CFAP251: variants seen among roughly 807,000 people sequenced by gnomAD.
CFAP251 encodes the protein cilia and flagella associated protein 251.
CFAP251 carries 93 observed loss-of-function variants against 126.7 expected under a neutral mutation model. That is an observed-to-expected ratio of 0.73 (90% CI 0.62 to 0.87). The LOEUF (loss-of-function observed/expected upper bound fraction) is 0.87. CFAP251 is among the 40% of genes least tolerant of loss of function. CFAP251 has a pLI of 0.00. For missense variants in CFAP251, 1,287 were observed against 1,389.2 expected (o/e 0.93, Z 1.17); for synonymous variants, 503 against 506.9 (o/e 0.99, Z 0.10).
chr12:121,968,381 C>A (rs572536826), intron 17 of CFAP251, among the ~76,000 whole-genome samples: 1 of 152,158 alleles, frequency 6.6e-6, no homozygotes, highest in African/African-American at 2.4e-5. Context: ...GCAGTTCAGG[C>A]GATGTGACAG....
intron 3 of CFAP251, among the ~76,000 whole-genome samples, chr12:121,929,467 C>T (rs1325589465): frequency 6.6e-6 from 1 of 152,042 alleles, no homozygotes; most frequent in Non-Finnish European, 1.5e-5. Flanking sequence ...TCCGTTAGCA[C>T]TGATGAGCCA....
Position 121,999,861 on chromosome 12 carries a change from G to A in CFAP251, c.3152G>A (p.Ser1051Asn), listed in dbSNP as rs370687532. Reference protein sequence around the residue: ...FGNTMSGIHKSFEVLGYTNSK... With the variant: ...FGNTMSGIHKNFEVLGYTNSK... Reference sequence around the variant, plus strand: ...AACACCATGAGTGGCATCCACAAGAGCTTTGAGGTGCTCGGTTATACCAAC... The same window carrying A: ...AACACCATGAGTGGCATCCACAAGAACTTTGAGGTGCTCGGTTATACCAAC... The change falls in exon 20 of 22, where the codon AGC becomes AAC. Residue 1051 changes from serine to asparagine, a missense_variant. Ser to Asn is a conservative substitution (Grantham distance 46, BLOSUM62 1). Transcript: ENST00000288912. The A allele has an allele frequency of 9.3e-6, 15 of 1,614,078 alleles. No individual in the cohort carries two copies. The highest frequency in any genetic ancestry group is 1.2e-5 in the Non-Finnish European group (14 of 1,180,042).
chr12:121,968,142 C>T lies in CFAP251; in HGVS notation c.2744C>T (p.Ser915Leu), dbSNP rs754845886. The change falls in exon 17 of 22, where the codon TCG becomes TTG. Residue 915 changes from serine to leucine, a missense_variant. Transcript: ENST00000288912. ...YAFTAGGHDRSVVQWKITLSV... is the reference protein window; with the variant it reads ...YAFTAGGHDRLVVQWKITLSV... ...TTCACTGCGGGAGGGCACGATCGCT[C>T]GGTGGTGCAGTGGAAAATCACCTTA... The T allele has an allele frequency of 9.3e-6, 15 of 1,609,546 alleles. No homozygotes were observed. The highest frequency in any genetic ancestry group is 1.7e-4 in the Middle Eastern group (1 of 6,058).
At chr12:121,978,800 A>G (rs771044305) in intron 19 of CFAP251, among the ~76,000 whole-genome samples, 9 of 152,168 alleles carry the variant, frequency 5.9e-5, no homozygotes, top group Admixed American at 2.6e-4. Flanking sequence ...TGAGTTGTCT[A>G]AAGTAGCTGG....
chr12:121,975,427 T>A, intron 18 of CFAP251, 93 bp downstream of exon 18: 2 of 1,567,198 alleles, frequency 1.3e-6, no homozygotes, highest in Non-Finnish European at 1.7e-6. Context: ...ATTCCAAAGC[T>A]TTGTTCCCCC....
intron 19 of CFAP251, among the ~76,000 whole-genome samples, chr12:121,992,807 C>T (rs1408830723): frequency 2.0e-5 from 3 of 152,098 alleles, no homozygotes; most frequent in Non-Finnish European, 4.4e-5. Flanking sequence ...GCTCCTAAAA[C>T]GATCTACCCA....
chr12:121,938,857 G>A (rs1021781253), intron 5 of CFAP251, among the ~76,000 whole-genome samples: 4 of 151,480 alleles, frequency 2.6e-5, no homozygotes, highest in Non-Finnish European at 5.9e-5. Flanking sequence ...GGGCATAATG[G>A]TGCACTCCTG....
intron 8 of CFAP251, 198 bp downstream of exon 8, chr12:121,949,259 TTTTA>T (rs1409072289): frequency 1.6e-5 from 5 of 305,530 alleles, no homozygotes; most frequent in Non-Finnish European, 1.2e-5. Context: ...AATAATCCAA[TTTTA>T]TTTATTAAAT....
intron 19 of CFAP251, among the ~76,000 whole-genome samples, chr12:121,982,124 A>G (rs1210010899): frequency 6.6e-6 from 1 of 151,944 alleles, no homozygotes. Flanking sequence ...CTAAAAGTTT[A>G]TATTTTCTTG....
Position 121,961,989 on chromosome 12 carries a change from T to C in CFAP251, c.2319T>C (p.Asp773=), listed in dbSNP as rs1331753940. ...LGTDRLLIEY[D]LLRSYKDHLE... is the part of the protein sequence containing the mutation. The stretch of plus-strand genomic sequence containing the variant: ...GGGCTCCTCTGCAGATAGAGTATGA[T>C]CTTCTCAGGAGCTACAAAGACCACC... Residue 773 remains aspartate (D), a synonymous_variant, in exon 15 of 22, where the codon GAT becomes GAC. Transcript: ENST00000288912. 12 of 1,613,430 alleles carry C rather than the reference T, an allele frequency of 7.4e-6. No individual in the cohort carries two copies. The highest frequency in any genetic ancestry group is 1.7e-5 in the Admixed American group (1 of 59,960).
At chr12:121,995,480 A>G (rs1883001647) in intron 19 of CFAP251, among the ~76,000 whole-genome samples, 1 of 152,122 alleles carries the variant, frequency 6.6e-6, no homozygotes, top group African/African-American at 2.4e-5. Context: ...TCTGTAACCA[A>G]TAATGTTATT....
Position 121,936,893 on chromosome 12 carries a change from G to A in CFAP251, c.998+2537G>A, listed in dbSNP as rs571702864. Among the ~76,000 whole-genome samples, 6 of 152,162 alleles carry A rather than the reference G, an allele frequency of 3.9e-5. No individual in the cohort carries two copies. The East Asian group carries it at 1.2e-3, about 29-fold the overall frequency. ...TAATTGGAAGGGGAGAAGGGAAGGG[G>A]CCCAGGGGAATTCAGAGTGACATGA... On this transcript the variant is annotated intron_variant, in intron 5 of 21. Transcript: ENST00000288912.
At chr12:121,919,594 C>T (rs1466319475) in intron 1 of CFAP251, among the ~76,000 whole-genome samples, 1 of 152,056 alleles carries the variant, frequency 6.6e-6, no homozygotes, top group Non-Finnish European at 1.5e-5. Flanking sequence ...AAAATGCAGA[C>T]TCTGAGGGGT....
At chr12:121,934,024 T>C (rs1446769185) in intron 4 of CFAP251, among the ~76,000 whole-genome samples, 1 of 152,134 alleles carries the variant, frequency 6.6e-6, no homozygotes, top group African/African-American at 2.4e-5. Context: ...CCACTGTTCA[T>C]GTAGGGAACT....
intron 17 of CFAP251, chr12:121,972,163 T>C (rs778634566): frequency 3.8e-5 from 6 of 156,440 alleles, no homozygotes. Flanking sequence ...TGAAAAGATA[T>C]CTGAAAATGT....
At chr12:121,930,905 C>T (rs527370749) in intron 3 of CFAP251, among the ~76,000 whole-genome samples, 4 of 152,134 alleles carry the variant, frequency 2.6e-5, no homozygotes, top group Admixed American at 6.5e-5. Context: ...CGTGCCACCA[C>T]GCCTGGCTAA....
At chr12:121,948,879 T>C in intron 7 of CFAP251, 105 bp from the exon 8 acceptor site, 1 of 651,854 alleles carries the variant, frequency 1.5e-6, no homozygotes, top group Non-Finnish European at 2.6e-6. Context: ...CTGTTTTATA[T>C]TCCTACTCAT....
At chr12:121,969,213 C>T in intron 17 of CFAP251, 5 of 985,430 alleles carry the variant, frequency 5.1e-6, no homozygotes, top group Non-Finnish European at 6.0e-6. Flanking sequence ...ATTGAAGCTT[C>T]TACTCTTAAC....
rs376558830 is a variant in CFAP251 at position 121,921,464 on chromosome 12, G to A, written c.159G>A (p.Glu53=). 1.6e-5 allele frequency: 24 copies of A among 1,509,564 alleles called. No homozygotes were observed. The highest frequency in any genetic ancestry group is 1.6e-4 in the African/African-American group (11 of 70,190). The allele number at this position is 1,509,564 out of a possible 1,614,324, so 93.5% of individuals were successfully genotyped here. Residue 53 remains glutamate (E), a synonymous_variant, in exon 2 of 22, where the codon GAG becomes GAA. Coordinates refer to ENST00000288912, the MANE Select transcript of CFAP251 (RefSeq NM_144668.6). ...DTIAWRESQE[E]ERKTGEEEGE... Reference sequence around the variant, plus strand: ...TAGCATGGAGAGAGTCTCAGGAGGAGGAGAGGAAAACGGGCGAGGAGGAAG... The same window carrying A: ...TAGCATGGAGAGAGTCTCAGGAGGAAGAGAGGAAAACGGGCGAGGAGGAAG...
Sources: gnomAD v4.1 joint callset for allele counts (sites outside exome capture counted in the v4.1 genomes callset) on GRCh38, gnomAD v4.1.1 for gene constraint, MANE v1.5 for transcripts, NCBI Gene and HGNC (gene_info 2026-07-23, HGNC 2026-07-21) for gene names.